The following RYR2 variants were observed in gnomAD, a reference collection of about 807,000 sequenced individuals.
RYR2 encodes the protein cardiac muscle ryanodine receptor-calcium release channel.
A neutral mutation model predicts 601.1 loss-of-function variants in RYR2; 227 were observed. That is an observed-to-expected ratio of 0.38 (90% CI 0.34 to 0.42). The LOEUF (loss-of-function observed/expected upper bound fraction) is 0.42. Ranked by LOEUF, RYR2 falls within the 10% of genes least tolerant of loss-of-function variation. RYR2 has a pLI of 1.00. For synonymous variants in RYR2, 2,223 were observed against 2,175.1 expected (o/e 1.02, Z -0.61); for missense variants, 4,646 against 6,156.5 (o/e 0.75, Z 8.21).
intron 89 of RYR2, among the ~76,000 whole-genome samples, chr1:237,782,937 T>C (rs1027359446): frequency 2.0e-5 from 3 of 152,186 alleles, no homozygotes; most frequent in African/African-American, 4.8e-5. Context: ...GCTTCTCCGA[T>C]TGACTCTGTG....
intron 58 of RYR2, among the ~76,000 whole-genome samples, chr1:237,669,913 G>C (rs1461205022): frequency 6.6e-6 from 1 of 151,840 alleles, no homozygotes; most frequent in African/African-American, 2.4e-5. Context: ...CTGCAATCTC[G>C]GCATTTTGGG....
At chr1:237,102,389 G>A (rs138993296) in intron 1 of RYR2, among the ~76,000 whole-genome samples, 2 of 152,250 alleles carry the variant, frequency 1.3e-5, no homozygotes, top group Non-Finnish European at 2.9e-5. Flanking sequence ...CACAGCAGCC[G>A]TCCTCTTGTT....
chr1:237,516,269 T>A (rs2147816551), intron 24 of RYR2, among the ~76,000 whole-genome samples: 1 of 149,406 alleles, frequency 6.7e-6, no homozygotes, highest in South Asian at 2.2e-4. Context: ...TGCCACCACC[T>A]CTGGTTAATT....
intron 25 of RYR2, among the ~76,000 whole-genome samples, chr1:237,538,840 T>C (rs1668954795): frequency 6.6e-6 from 1 of 152,016 alleles, no homozygotes; most frequent in African/African-American, 2.4e-5. Context: ...TTTATGTAAA[T>C]AGTGGGAAGA....
At chr1:237,274,560 A>G (rs1033295223) in intron 2 of RYR2, among the ~76,000 whole-genome samples, 1 of 152,206 alleles carries the variant, frequency 6.6e-6, no homozygotes, top group African/African-American at 2.4e-5. Flanking sequence ...AAAAGTTACA[A>G]TAAGCTAAGG....
intron 16 of RYR2, among the ~76,000 whole-genome samples, chr1:237,467,032 C>T (rs982134471): frequency 2.0e-5 from 3 of 150,588 alleles, no homozygotes; most frequent in Non-Finnish European, 3.0e-5. Context: ...TCTTAAATGC[C>T]CCATGGCTTA....
Position 237,711,777 on chromosome 1 carries a change from A to G in RYR2, c.10263A>G (p.Val3421=). The G allele has an allele frequency of 6.3e-7, 1 of 1,590,132 alleles. No homozygotes were observed. Among genetic ancestry groups the G allele is most frequent in the Middle Eastern group, 1.7e-4 (1 of 5,884 alleles). ...AAAGAGAAGAGCAGAACTTCGTTGT[A>G]CAGAATGAAATCAACAATATGTCTT... ...NFKREEQNFV[V]QNEINNMSFL... The change falls in exon 71 of 105, where the codon GTA becomes GTG. Residue 3421 remains valine, a synonymous_variant. Transcript: ENST00000366574.
At chr1:237,802,587 G>A (rs1444161126) in intron 98 of RYR2, among the ~76,000 whole-genome samples, 1 of 152,172 alleles carries the variant, frequency 6.6e-6, no homozygotes, top group East Asian at 1.9e-4. Flanking sequence ...TTCTCTAAGA[G>A]TTCAAAATCA....
At chr1:237,113,308 C>G (rs949444489) in intron 1 of RYR2, among the ~76,000 whole-genome samples, 1 of 152,020 alleles carries the variant, frequency 6.6e-6, no homozygotes, top group Non-Finnish European at 1.5e-5. Context: ...AAGCAATTCT[C>G]CTGCCTCAGC....
chr1:237,744,740 AT>A (rs1691927396), intron 80 of RYR2, among the ~76,000 whole-genome samples: 2 of 149,482 alleles, frequency 1.3e-5, no homozygotes, highest in Non-Finnish European at 3.0e-5. Flanking sequence ...AAAGTGAAAT[AT>A]TTGCTGCCAA....
chr1:237,216,147 A>G (rs1683134092), intron 1 of RYR2, among the ~76,000 whole-genome samples: 1 of 152,202 alleles, frequency 6.6e-6, no homozygotes, highest in Non-Finnish European at 1.5e-5. Flanking sequence ...TAGTAAAATC[A>G]TATATTAGGA....
chr1:237,811,432 A>G (rs139609311), intron 100 of RYR2, among the ~76,000 whole-genome samples: 101 of 152,322 alleles, frequency 6.6e-4, no homozygotes, highest in African/African-American at 2.4e-3. Flanking sequence ...TCTCCTTTAA[A>G]CAAGTATTCT....
In RYR2 at chr1:237,770,847, CTTCCGA is replaced by C; in HGVS notation, c.11522_11527del (p.Arg3841_Phe3842del). The C allele has an allele frequency of 6.4e-7, 1 of 1,553,392 alleles. No homozygotes were observed. The highest frequency in any genetic ancestry group is 8.7e-7 in the Non-Finnish European group (1 of 1,147,158). On this transcript the variant is annotated inframe_deletion, in exon 85 of 105. Coordinates refer to ENST00000366574, the MANE Select transcript of RYR2 (RefSeq NM_001035.3). ...AGGACGATGAGTTCACCTGTGACCT[CTTCCGA>C]TTCCTGCAACTACTCTGTGAGGGAC...
At chr1:237,071,582 C>G (rs191970300) in intron 1 of RYR2, among the ~76,000 whole-genome samples, 1 of 152,074 alleles carries the variant, frequency 6.6e-6, no homozygotes, top group African/African-American at 2.4e-5. Context: ...GGTCCACGGT[C>G]GGCCATGGCA....
chr1:237,169,187 A>T (rs577982928), intron 1 of RYR2, among the ~76,000 whole-genome samples: 2 of 152,344 alleles, frequency 1.3e-5, no homozygotes, highest in African/African-American at 4.8e-5. Flanking sequence ...CATTTTCTAA[A>T]TGTCATCTAA....
At chr1:237,795,836 G>GTGTGTGTGTGTATATATATA (rs371932356) in intron 96 of RYR2, among the ~76,000 whole-genome samples, 1 of 132,692 alleles carries the variant, frequency 7.5e-6, no homozygotes, top group African/African-American at 2.9e-5. Flanking sequence ...GTGTGTGTGT[G>GTGTGTGTGTGTATATATATA]TATATATATA....
intron 71 of RYR2, among the ~76,000 whole-genome samples, chr1:237,712,087 A>C (rs1688887908): frequency 6.6e-6 from 1 of 152,136 alleles, no homozygotes; most frequent in African/African-American, 2.4e-5. Flanking sequence ...CCCTGGAAAC[A>C]GGAGGCATGG....
Position 237,479,971 on chromosome 1 carries a change from C to T in RYR2, c.1708+10784C>T, listed in dbSNP as rs540741052. 3.9e-5 allele frequency among the ~76,000 whole-genome samples: 6 copies of T among 152,274 alleles called. No individual in the cohort carries two copies. The South Asian group carries it at 1.0e-3, about 26-fold the overall frequency. On this transcript the variant is annotated intron_variant, in intron 17 of 104. Coordinates refer to ENST00000366574, the MANE Select transcript of RYR2 (RefSeq NM_001035.3). The stretch of plus-strand genomic sequence containing the variant: ...AACCTCTGTAGTCTGTCTGTAAGCT[C>T]TATGAGAGCAGGGATGAGGCCAATT...
intron 29 of RYR2, among the ~76,000 whole-genome samples, chr1:237,581,668 A>C (rs1673928932): frequency 6.6e-6 from 1 of 152,202 alleles, no homozygotes; most frequent in South Asian, 2.1e-4. Flanking sequence ...CTGGTTTTCA[A>C]CATGGTGTGA....
Sources: allele counts gnomAD v4.1 joint callset (sites outside exome capture counted in the v4.1 genomes callset), GRCh38; gene constraint gnomAD v4.1.1; transcripts MANE v1.5; gene names NCBI Gene and HGNC (gene_info 2026-07-23, HGNC 2026-07-21).